The following MRC1 variants were observed in gnomAD, a reference collection of about 807,000 sequenced individuals.
The protein encoded by MRC1 is macrophage mannose receptor 1.
In MRC1, 62 loss-of-function variants were observed where a neutral mutation model predicts 102.9. The observed-to-expected ratio is 0.60, with a 90% confidence interval of 0.49 to 0.74. The LOEUF (loss-of-function observed/expected upper bound fraction) is 0.74, where lower values mean the gene tolerates loss of function less well. MRC1 is among the 30% of genes least tolerant of loss of function. MRC1 has a pLI of 0.00. For synonymous variants in MRC1, 457 were observed against 298.4 expected, an observed-to-expected ratio of 1.53 and a Z score of -5.48; for missense variants, 1,237 against 862.8, an observed-to-expected ratio of 1.43 and a Z score of -5.43.
intron 29 of MRC1, among the ~76,000 whole-genome samples, chr10:17,909,578 G>A (rs1393645481): frequency 2.7e-5 from 4 of 146,844 alleles, no homozygotes; most frequent in Admixed American, 6.8e-5. Context: ...TTTTTTTTTC[G>A]CTCTGTTACA....
intron 21 of MRC1, among the ~76,000 whole-genome samples, chr10:17,882,011 G>A (rs1005460753): frequency 6.6e-5 from 10 of 151,676 alleles, no homozygotes; most frequent in African/African-American, 2.4e-4. Flanking sequence ...GAACTATGAA[G>A]GAGGATATTC....
chr10:17,860,518 T>C (rs1451677536), intron 9 of MRC1, among the ~76,000 whole-genome samples: 1 of 152,172 alleles, frequency 6.6e-6, no homozygotes, highest in Non-Finnish European at 1.5e-5. Context: ...GCTCAAGTCA[T>C]CCTCCCAACT....
intron 2 of MRC1, among the ~76,000 whole-genome samples, chr10:17,824,724 C>T (rs1169141103): frequency 1.3e-5 from 2 of 152,116 alleles, no homozygotes; most frequent in Admixed American, 6.6e-5. Flanking sequence ...TCAAATTCCA[C>T]AGGTGGGACA....
In MRC1 at chr10:17,881,231, A is replaced by G. The variant is rs939980068; in HGVS notation, c.2980+50A>G. On this transcript the variant is annotated intron_variant, in intron 21 of 29. Coordinates refer to ENST00000569591, the MANE Select transcript of MRC1 (RefSeq NM_002438.4). ...TTGTGTGTTTAAATATGGAATTCTGACTGCAAAATGGTAAAATATTGCTGA... is the reference window on the plus strand; with the variant it reads ...TTGTGTGTTTAAATATGGAATTCTGGCTGCAAAATGGTAAAATATTGCTGA... 1.4e-4 allele frequency: 107 copies of G among 763,498 alleles called. 1 individual carries two copies. The highest frequency in any genetic ancestry group is 2.0e-4 in the Non-Finnish European group (84 of 410,610). 47.3% of individuals were successfully genotyped at this position (763,498 alleles called of 1,614,324 possible).
rs1184231740 is a variant in MRC1, at chr10:17,906,298, C to CTT, written c.3800-573_3800-572dup. ...TTCTGCAACGAGACCTAACCCATGT[C>CTT]TTTTTTTTTTTTTTTTGCCTGTGGA... On this transcript the variant is annotated intron_variant, in intron 26 of 29. Coordinates refer to ENST00000569591, the MANE Select transcript of MRC1 (RefSeq NM_002438.4). Among the ~76,000 whole-genome samples the CTT allele has an allele frequency of 2.6e-3, 359 of 136,266 alleles. 1 individual carries two copies. The highest frequency in any genetic ancestry group is 4.0e-3 in the Non-Finnish European group (251 of 63,054). 89.4% of individuals were successfully genotyped at this position (136,266 alleles called of 152,430 possible). A position where few individuals can be genotyped will look rare whatever the true frequency, so the allele number is the denominator to read the frequency against.
Position 17,863,687 on chromosome 10 carries a change from G to T in MRC1, c.1783+5G>T, listed in dbSNP as rs1554841316. The T allele has an allele frequency of 1.3e-6, 1 of 780,644 alleles. No homozygotes were observed. The highest frequency in any genetic ancestry group is 1.7e-5 in the African/African-American group (1 of 59,138). The allele number at this position is 780,644 out of a possible 1,614,324, so 48.4% of individuals were successfully genotyped here. ...ACTGGAATTCAGATATGCCAGGTACGGGCAGCGCTTAGGTTGAGGGTTGCT... is the reference window on the plus strand; with the variant it reads ...ACTGGAATTCAGATATGCCAGGTACTGGCAGCGCTTAGGTTGAGGGTTGCT... On this transcript the variant is annotated splice_donor_5th_base_variant and intron_variant, in intron 11 of 29. Transcript: ENST00000569591.
chr10:17,837,646 T>G (rs2130620240), intron 4 of MRC1, among the ~76,000 whole-genome samples: 1 of 152,038 alleles, frequency 6.6e-6, no homozygotes, highest in African/African-American at 2.4e-5. Context: ...TTATTTTTTT[T>G]GAGACAAAGT....
intron 4 of MRC1, among the ~76,000 whole-genome samples, 156 bp from the exon 5 acceptor site, chr10:17,840,537 A>G (rs1337871389): frequency 6.6e-6 from 1 of 152,186 alleles, no homozygotes; most frequent in Non-Finnish European, 1.5e-5. Flanking sequence ...TACTTGCCTT[A>G]GGTTGTCAGG....
chr10:17,813,550 T>A (rs1340878963), intron 1 of MRC1, among the ~76,000 whole-genome samples: 1 of 151,532 alleles, frequency 6.6e-6, no homozygotes, highest in African/African-American at 2.4e-5. Flanking sequence ...TTCTCCTTTT[T>A]AAATTTGTTC....
At chr10:17,890,757 T>C (rs1030192247) in intron 22 of MRC1, among the ~76,000 whole-genome samples, 43 of 152,314 alleles carry the variant, frequency 2.8e-4, no homozygotes, top group African/African-American at 9.6e-4. Flanking sequence ...TATATTACAG[T>C]GCAGGGGTCT....
At position 17,817,853 on chromosome 10, in the gene MRC1, A is replaced by G. The variant is rs1306866564; in HGVS notation, c.62-5221A>G. Among the ~76,000 whole-genome samples the G allele has an allele frequency of 2.0e-5, 3 of 152,376 alleles. No individual in the cohort carries two copies. In the East Asian group the frequency reaches 5.8e-4, roughly 29 times the overall value. On this transcript the variant is annotated intron_variant, in intron 1 of 29. Coordinates refer to ENST00000569591, the MANE Select transcript of MRC1 (RefSeq NM_002438.4). ...AATGCCACAAGCTGCCTTTTGGCCA[A>G]CGTCTTGAATACGCCTTCAGAGGAA...
At chr10:17,820,851 G>T (rs1295530034) in intron 1 of MRC1, among the ~76,000 whole-genome samples, 2 of 152,166 alleles carry the variant, frequency 1.3e-5, no homozygotes, top group East Asian at 3.8e-4. Context: ...CATAGTCACT[G>T]TTTTTTAAAA....
rs536619859 is a variant in MRC1 at position 17,907,606 on chromosome 10, G to A, written c.3986G>A (p.Arg1329Gln). 2 of 780,880 alleles carry A rather than the reference G, an allele frequency of 2.6e-6. No individual in the cohort carries two copies. Among genetic ancestry groups the A allele is most frequent in the Admixed American group, 1.7e-5 (1 of 59,026 alleles). The allele number at this position is 780,880 out of a possible 1,614,324, so 48.4% of individuals were successfully genotyped here. A position where few individuals can be genotyped will look rare whatever the true frequency, so the allele number is the denominator to read the frequency against. Residue 1329 changes from arginine to glutamine, a missense_variant, in exon 28 of 30, where the codon CGG (arginine) becomes CAG (glutamine). Arg to Gln is a conservative substitution (Grantham distance 43). Transcript: ENST00000569591. ...AACACAGGAGATCCCTCTGGTGAACGGAATGATTGTGTAGCTTTACATGCG... is the reference window on the plus strand; with the variant it reads ...AACACAGGAGATCCCTCTGGTGAACAGAATGATTGTGTAGCTTTACATGCG... The part of the protein sequence containing the change: ...NWNTGDPSGE[R>Q]NDCVALHASS...
rs1183118605 is a variant in MRC1 at position 17,910,274 on chromosome 10, A to G, written c.4180A>G (p.Ile1394Val). Residue 1394 changes from isoleucine to valine, a missense_variant, in exon 30 of 30, where the codon ATT (isoleucine) becomes GTT (valine). By Grantham distance (29) the Ile-to-Val change is conservative. Coordinates refer to ENST00000569591, the MANE Select transcript of MRC1 (RefSeq NM_002438.4). The part of the protein sequence containing the change: ...PSSNVAGVVI[I>V]VILLILTGAG... ...TTCCAACGTGGCCGGAGTAGTCATC[A>G]TTGTGATCCTCCTGATTTTAACGGG... 3 of 780,744 alleles carry G rather than the reference A, an allele frequency of 3.8e-6. No individual in the cohort carries two copies. Among genetic ancestry groups the G allele is most frequent in the African/African-American group, 1.7e-5 (1 of 59,118 alleles). The allele number at this position is 780,744 out of a possible 1,614,324, so 48.4% of individuals were successfully genotyped here. A position where few individuals can be genotyped will look rare whatever the true frequency, so the allele number is the denominator to read the frequency against.
Position 17,828,131 on chromosome 10 carries a change from T to C in MRC1, c.637+416T>C, listed in dbSNP as rs1394097925. On this transcript the variant is annotated intron_variant, in intron 3 of 29. Coordinates refer to ENST00000569591, the MANE Select transcript of MRC1 (RefSeq NM_002438.4). The stretch of plus-strand genomic sequence containing the variant: ...TCGCTGTGTCTCCCAGGCTGGAGTG[T>C]GGTGGTGCGATCTCCACTCACTGCA... Among the ~76,000 whole-genome samples, 7 of 152,278 alleles carry C rather than the reference T, an allele frequency of 4.6e-5. No homozygotes were observed. The East Asian group carries it at 7.7e-4, about 17-fold the overall frequency.
At chr10:17,835,930 C>T (rs530492430) in intron 4 of MRC1, among the ~76,000 whole-genome samples, 1 of 152,324 alleles carries the variant, frequency 6.6e-6, no homozygotes, top group Non-Finnish European at 1.5e-5. Flanking sequence ...CCATATCTGG[C>T]AAAACACTGT....
chr10:17,856,454 A>T, intron 9 of MRC1, 102 bp downstream of exon 9: 1 of 742,146 alleles, frequency 1.3e-6, no homozygotes, highest in Non-Finnish European at 2.4e-6. Flanking sequence ...GCAGTAGCCA[A>T]GGGTTTCTGC....
At chr10:17,887,847 G>A (rs1221978441) in intron 22 of MRC1, among the ~76,000 whole-genome samples, 2 of 151,860 alleles carry the variant, frequency 1.3e-5, no homozygotes, top group Non-Finnish European at 2.9e-5. Flanking sequence ...ACTGTCGCCC[G>A]GCTGGTGTGC....
At chr10:17,827,402 AAAAAAAAAGAAATC>A in intron 2 of MRC1, 126 bp from the exon 3 acceptor site, 4 of 300,178 alleles carry the variant, frequency 1.3e-5, no homozygotes, top group Non-Finnish European at 2.6e-5. Context: ...AAAAAAAAAA[AAAAAAAAAGAAATC>A]CCTCTGTGGG....
Sources: gnomAD v4.1 joint callset for allele counts (sites outside exome capture counted in the v4.1 genomes callset) on GRCh38, gnomAD v4.1.1 for gene constraint, MANE v1.5 for transcripts, NCBI Gene and HGNC (gene_info 2026-07-23, HGNC 2026-07-21) for gene names.